The following CD40 variants were observed in gnomAD, a reference collection of about 807,000 sequenced individuals.
CD40 encodes tumor necrosis factor receptor superfamily member 5.
A neutral mutation model predicts 38.5 loss-of-function variants in CD40; 19 were observed. The observed-to-expected ratio is 0.49, with a 90% CI of 0.34 to 0.72. The LOEUF (loss-of-function observed/expected upper bound fraction) is 0.72, where lower values mean the gene tolerates loss of function less well. Ranked by LOEUF, CD40 falls within the 30% of genes least tolerant of loss-of-function variation. CD40 has a pLI of 0.01. For synonymous variants in CD40, 130 were observed against 128.7 expected (o/e 1.01, Z -0.07); for missense variants, 256 against 344.1 (o/e 0.74, Z 2.03).
intron 5 of CD40, 137 bp from the exon 6 acceptor site, chr20:46,126,503 C>A: frequency 1.1e-6 from 1 of 908,492 alleles, no homozygotes; most frequent in Non-Finnish European, 1.8e-6. Context: ...GGACGTTGCA[C>A]GTGTTGTGTG....
intron 5 of CD40, among the ~76,000 whole-genome samples, chr20:46,124,755 T>TTTG (rs2085392391): frequency 1.9e-5 from 1 of 51,354 alleles, no homozygotes; most frequent in Non-Finnish European, 4.5e-5. Flanking sequence ...GGTATAGTTT[T>TTTG]TTTTTTTTTT....
Position 46,122,112 on chromosome 20 carries a change from G to A in CD40, c.131-121G>A. 2 of 1,330,040 alleles carry A rather than the reference G, an allele frequency of 1.5e-6. No homozygotes were observed. The highest frequency in any genetic ancestry group is 4.6e-5 in the East Asian group (2 of 43,424). 82.4% of individuals were successfully genotyped at this position (1,330,040 alleles called of 1,614,324 possible). A position where few individuals can be genotyped will look rare whatever the true frequency, so the allele number is the denominator to read the frequency against. On this transcript the variant is annotated intron_variant, in intron 2 of 8. Transcript: ENST00000372285. The surrounding 1 kb of genome is among the most constrained non-coding windows in gnomAD (Gnocchi z 5.0). ...TTCTCCATCTTCCTCGCCTGATTAT[G>A]AAGGATCCAAGACTTTCATCTTTGA...
At chr20:46,119,308 T>G (rs4810485) in intron 1 of CD40, among the ~76,000 whole-genome samples, 119,547 of 152,190 alleles carry the variant, frequency 0.79, 47,588 homozygotes, top group African/African-American at 0.92. Context: ...TGTAGATTCC[T>G]GCCTGAAGCC....
At chr20:46,121,926 A>G (rs755760762) in intron 2 of CD40, 28 bp downstream of exon 2, 6 of 1,577,980 alleles carry the variant, frequency 3.8e-6, no homozygotes, top group Non-Finnish European at 4.4e-6. Flanking sequence ...TAGCCCCATC[A>G]TGGAGTCCCC....
rs113207193 is a variant in CD40 at position 46,118,365 on chromosome 20, T to G, written c.22T>G (p.Cys8Gly). Reference sequence around the variant, plus strand: ...CGCTATGGTTCGTCTGCCTCTGCAGTGCGTCCTCTGGGGCTGCTTGCTGAC... The same window carrying G: ...CGCTATGGTTCGTCTGCCTCTGCAGGGCGTCCTCTGGGGCTGCTTGCTGAC... MVRLPLQ[C>G]VLWGCLLTAV... Residue 8 changes from cysteine (C) to glycine (G), a missense_variant, in exon 1 of 9, where the codon TGC becomes GGC. Coordinates refer to ENST00000372285, the MANE Select transcript of CD40 (RefSeq NM_001250.6). 8.2e-5 allele frequency: 132 copies of G among 1,614,100 alleles called. 2 individuals are homozygous for G. In the African/African-American group the frequency reaches 1.1e-3, roughly 14 times the overall value.
intron 5 of CD40, among the ~76,000 whole-genome samples, chr20:46,123,447 G>T (rs181990630): frequency 6.6e-6 from 1 of 152,188 alleles, no homozygotes; most frequent in Non-Finnish European, 1.5e-5. Context: ...CGCTTCATGA[G>T]AGCCTCCTAT....
chr20:46,121,656 A>G, intron 1 of CD40, 164 bp from the exon 2 acceptor site: 2 of 716,260 alleles, frequency 2.8e-6, no homozygotes, highest in Non-Finnish European at 2.6e-6. Context: ...CTCAGTTGAC[A>G]ATTTACTTGA....
chr20:46,123,361 T>C, intron 5 of CD40, 142 bp downstream of exon 5: 3 of 800,130 alleles, frequency 3.7e-6, no homozygotes, highest in Non-Finnish European at 6.8e-6. Flanking sequence ...AGTGGCCTCA[T>C]GGCCAACCAG....
At position 46,118,342 on chromosome 20, in the gene CD40, C is replaced by G; in HGVS notation, c.-2C>G. On this transcript the variant is annotated 5_prime_UTR_variant, in exon 1 of 9. Coordinates refer to ENST00000372285, the MANE Select transcript of CD40 (RefSeq NM_001250.6). The stretch of plus-strand genomic sequence containing the variant: ...GGTCCTGCCGCCTGGTCTCACCTCG[C>G]TATGGTTCGTCTGCCTCTGCAGTGC... The G allele has an allele frequency of 6.2e-7, 1 of 1,613,894 alleles. No homozygotes were observed. The highest frequency in any genetic ancestry group is 2.2e-5 in the East Asian group (1 of 44,866).
At chr20:46,125,175 G>A (rs148448921) in intron 5 of CD40, among the ~76,000 whole-genome samples, 374 of 152,152 alleles carry the variant, frequency 2.5e-3, no homozygotes, top group Non-Finnish European at 4.0e-3. Context: ...TGAAAAATGG[G>A]AATGACCTTC....
chr20:46,122,814 G>A lies in CD40; in HGVS notation c.403+58G>A. 3.1e-6 allele frequency: 5 copies of A among 1,605,322 alleles called. No homozygotes were observed. Among genetic ancestry groups the A allele is most frequent in the South Asian group, 1.1e-5 (1 of 90,540 alleles). On this transcript the variant is annotated intron_variant, in intron 4 of 8. Transcript: ENST00000372285. This position sits in a 1 kb window ranked among gnomAD's most constrained non-coding sequence, Gnocchi z 5.0. ...GGGGACAGAGGAGCTTAGGGCCCAA[G>A]GTGAGGGGCTGGGCAGTGGGCACTT...
rs546297910 is a variant in CD40, at chr20:46,120,261, G to C, written c.52-1559G>C. 5.9e-5 allele frequency among the ~76,000 whole-genome samples: 9 copies of C among 152,330 alleles called. No individual in the cohort carries two copies. The South Asian group carries it at 1.5e-3, about 25-fold the overall frequency. On this transcript the variant is annotated intron_variant, in intron 1 of 8. Coordinates refer to ENST00000372285, the MANE Select transcript of CD40 (RefSeq NM_001250.6). ...TACTATGTTCCTGACACTGTGCTAGGCCATATACATGTATTCTTTCTTATC... is the reference window on the plus strand; with the variant it reads ...TACTATGTTCCTGACACTGTGCTAGCCCATATACATGTATTCTTTCTTATC...
chr20:46,129,118 G>A lies in CD40; in HGVS notation c.*78G>A. On this transcript the variant is annotated 3_prime_UTR_variant, in exon 9 of 9. Transcript: ENST00000372285. The stretch of plus-strand genomic sequence containing the variant: ...AGAGCCTGGTGCTGCTGCTGCTGTG[G>A]CGTGAGGGTGAGGGGCTGGCACTGA... 1 of 1,534,572 alleles carries A rather than the reference G, an allele frequency of 6.5e-7. No homozygotes were observed. Among genetic ancestry groups the A allele is most frequent in the South Asian group, 1.1e-5 (1 of 89,352 alleles).
At position 46,129,304 on chromosome 20, in the gene CD40, G is replaced by A; in HGVS notation, c.*264G>A. The A allele has an allele frequency of 6.1e-6, 3 of 491,668 alleles. No homozygotes were observed. The highest frequency in any genetic ancestry group is 6.0e-5 in the South Asian group (3 of 50,208). The allele number at this position is 491,668 out of a possible 1,614,324, so 30.5% of individuals were successfully genotyped here. A position where few individuals can be genotyped will look rare whatever the true frequency, so the allele number is the denominator to read the frequency against. ...AAGACAGAGGCAGAAGTTTGGTGGT[G>A]GTGGTGTTGGGGTATGGTTTAGTAA... On this transcript the variant is annotated 3_prime_UTR_variant, in exon 9 of 9. Transcript: ENST00000372285.
Position 46,122,737 on chromosome 20 carries a change from C to A in CD40, c.384C>A (p.Gly128=), listed in dbSNP as rs757465117. Residue 128 remains glycine, a synonymous_variant, in exon 4 of 9, where the codon GGC becomes GGA. Coordinates refer to ENST00000372285, the MANE Select transcript of CD40 (RefSeq NM_001250.6). This position sits in a 1 kb window ranked among gnomAD's most constrained non-coding sequence, Gnocchi z 5.0. ...SCVLHRSCSP[G]FGVKQIATGV... The stretch of plus-strand genomic sequence containing the variant: ...TCCTGCACCGCTCATGCTCGCCCGG[C>A]TTTGGGGTCAAGCAGATTGGTAAGT... 1.2e-6 allele frequency: 2 copies of A among 1,614,128 alleles called. No individual in the cohort carries two copies. The highest frequency in any genetic ancestry group is 1.7e-5 in the Admixed American group (1 of 60,018).
intron 1 of CD40, 117 bp from the exon 2 acceptor site, chr20:46,121,703 C>G (rs184562532): frequency 3.7e-6 from 3 of 813,160 alleles, no homozygotes; most frequent in Non-Finnish European, 4.4e-6. Flanking sequence ...GTTCCACTTT[C>G]TGTTTTGACT....
intron 5 of CD40, among the ~76,000 whole-genome samples, chr20:46,124,167 G>T (rs907214033): frequency 1.3e-5 from 2 of 152,290 alleles, no homozygotes; most frequent in East Asian, 3.9e-4. Context: ...GGGTGTGGTG[G>T]TGGGCGCCTG....
intron 4 of CD40, 109 bp from the exon 5 acceptor site, chr20:46,123,017 A>G: frequency 1.0e-6 from 1 of 964,008 alleles, no homozygotes; most frequent in South Asian, 1.3e-5. Context: ...TCGGGGGAAG[A>G]GTGCTCAAGG....
Position 46,126,655 on chromosome 20 carries a change from C to T in CD40, c.513C>T (p.Asp171=). 6.2e-7 allele frequency: 1 copy of T among 1,614,152 alleles called. No homozygotes were observed. The highest frequency in any genetic ancestry group is 2.2e-5 in the East Asian group (1 of 44,886). Residue 171 remains aspartate, a synonymous_variant, in exon 6 of 9, where the codon GAC becomes GAT. Transcript: ENST00000372285. ...CTGTGCATAGCTGTGAGACCAAAGA[C>T]CTGGTTGTGCAACAGGCAGGCACAA... The part of the protein sequence containing the change: ...CHPWTSCETK[D]LVVQQAGTNK...
Sources: gnomAD v4.1 joint callset for allele counts (sites outside exome capture counted in the v4.1 genomes callset) on GRCh38, gnomAD v4.1.1 for gene constraint, Gnocchi (gnomAD v3.1) non-coding constraint, MANE v1.5 for transcripts, NCBI Gene and HGNC (gene_info 2026-07-23, HGNC 2026-07-21) for gene names.